The following MGST1 variants were observed in gnomAD, a reference collection of about 807,000 sequenced individuals.
MGST1 encodes the protein microsomal glutathione S-transferase 1.
MGST1 carries 5 observed loss-of-function variants against 8.9 expected under a neutral mutation model. The ratio of observed to expected loss-of-function variants is 0.56; its 90% CI spans 0.29 to 1.19. The LOEUF (loss-of-function observed/expected upper bound fraction) is 1.19, where lower values mean the gene tolerates loss of function less well. Ranked by LOEUF, MGST1 falls within the 50% of genes most tolerant of loss-of-function variation. The pLI is 0.08. For missense variants in MGST1, 182 were observed against 187.4 expected (o/e 0.97, Z 0.17); for synonymous variants, 54 against 67.8 (o/e 0.80, Z 1.00).
At chr12:16,539,862 C>T (rs1941782429) in intron 4 of MGST1, among the ~76,000 whole-genome samples, 1 of 152,196 alleles carries the variant, frequency 6.6e-6, no homozygotes, top group African/African-American at 2.4e-5. Flanking sequence ...ACTACTATTT[C>T]ATAAAATAAA....
chr12:16,420,381 CTT>C (rs1940824683), intron 1 of MGST1, among the ~76,000 whole-genome samples: 1 of 152,170 alleles, frequency 6.6e-6, no homozygotes, highest in Non-Finnish European at 1.5e-5. Flanking sequence ...AGCCATTAAA[CTT>C]ATTCTCATAA....
At chr12:16,430,503 C>A (rs1940928452) in intron 1 of MGST1, among the ~76,000 whole-genome samples, 1 of 152,170 alleles carries the variant, frequency 6.6e-6, no homozygotes, top group Non-Finnish European at 1.5e-5. Flanking sequence ...CCGTGGGCTG[C>A]AGAATGGATA....
At chr12:16,514,189 C>T in intron 4 of MGST1, 1 of 318,374 alleles carries the variant, frequency 3.1e-6, no homozygotes, top group Non-Finnish European at 6.1e-6. Context: ...AATTATACGC[C>T]ATTGTCGCTG....
At chr12:16,383,757 G>A (rs571159465) in intron 1 of MGST1, among the ~76,000 whole-genome samples, 9 of 152,236 alleles carry the variant, frequency 5.9e-5, no homozygotes, top group Non-Finnish European at 7.4e-5. Flanking sequence ...CACCATACCC[G>A]GACCTGAGTT....
At chr12:16,474,255 AT>A (rs1941306494) in intron 4 of MGST1, among the ~76,000 whole-genome samples, 1 of 152,216 alleles carries the variant, frequency 6.6e-6, no homozygotes, top group Non-Finnish European at 1.5e-5. Context: ...GAAGGCAAAA[AT>A]GTCACGAAAT....
intron 4 of MGST1, chr12:16,549,407 C>T (rs540823154): frequency 6.6e-6 from 1 of 152,488 alleles, no homozygotes; most frequent in African/African-American, 2.4e-5. Context: ...TTTCACAGAA[C>T]CATTTTCTTA....
In MGST1 at chr12:16,560,825, T is replaced by C. The variant is rs369668332; in HGVS notation, n.483-28703T>C. The C allele has an allele frequency of 4.6e-5, 20 of 433,678 alleles. No individual in the cohort carries two copies. In the East Asian group the frequency reaches 1.0e-3, roughly 22 times the overall value. 26.9% of individuals were successfully genotyped at this position (433,678 alleles called of 1,614,324 possible). On this transcript the variant is annotated intron_variant and non_coding_transcript_variant, in intron 4 of 4. Coordinates refer to the MGST1 transcript ENST00000538857. This position sits in a 1 kb window ranked among gnomAD's most constrained non-coding sequence, Gnocchi z 5.0. The stretch of plus-strand genomic sequence containing the variant: ...ACAGAAGTCAATGGGGGTGAATTCA[T>C]AGCAAAAATCTCTGGGTTAGAGTAT...
chr12:16,359,508 G>A (rs1445747411), intron 3 of MGST1, among the ~76,000 whole-genome samples: 1 of 152,142 alleles, frequency 6.6e-6, no homozygotes, highest in East Asian at 1.9e-4. Context: ...AATGGGTTGT[G>A]TCAAGAATAT....
At chr12:16,424,359 A>G (rs1022219797) in intron 1 of MGST1, among the ~76,000 whole-genome samples, 1 of 152,220 alleles carries the variant, frequency 6.6e-6, no homozygotes, top group African/African-American at 2.4e-5. Flanking sequence ...ATATTGGAAT[A>G]AAGTCTCTCA....
At chr12:16,575,895 A>G (rs1374514344) in intron 4 of MGST1, among the ~76,000 whole-genome samples, 1 of 151,232 alleles carries the variant, frequency 6.6e-6, no homozygotes, top group African/African-American at 2.4e-5. Flanking sequence ...AGACTACATT[A>G]CCCTCCCTCT....
At chr12:16,387,718 G>A (rs1940516866) in intron 1 of MGST1, among the ~76,000 whole-genome samples, 1 of 151,934 alleles carries the variant, frequency 6.6e-6, no homozygotes, top group Non-Finnish European at 1.5e-5. Context: ...AGTAGAGACG[G>A]GTTTTCACCG....
At chr12:16,529,969 A>G (rs1277970090) in intron 4 of MGST1, among the ~76,000 whole-genome samples, 1 of 152,128 alleles carries the variant, frequency 6.6e-6, no homozygotes, top group African/African-American at 2.4e-5. Flanking sequence ...ATCTGATTAT[A>G]AGTTTCTGCA....
chr12:16,560,216 T>A lies in MGST1; in HGVS notation n.483-29312T>A, dbSNP rs1942346118. 6.6e-6 allele frequency among the ~76,000 whole-genome samples: 1 copy of A among 152,206 alleles called. No homozygotes were observed. The highest frequency in any genetic ancestry group is 1.5e-5 in the Non-Finnish European group (1 of 68,042). On this transcript the variant is annotated intron_variant and non_coding_transcript_variant, in intron 4 of 4. Coordinates refer to the MGST1 transcript ENST00000538857. This position sits in a 1 kb window ranked among gnomAD's most constrained non-coding sequence, Gnocchi z 5.0. The stretch of plus-strand genomic sequence containing the variant: ...TGTTACTTGCTCTTATATGATGCTT[T>A]TCTTTCAGGTAGAAGTAAGTCTTAA...
Position 16,357,668 on chromosome 12 carries a change from C to T in MGST1, c.190C>T (p.Arg64Ter), listed in dbSNP as rs763132041. The T allele has an allele frequency of 5.0e-5, 81 of 1,613,732 alleles. No homozygotes were observed. The highest frequency in any genetic ancestry group is 3.3e-4 in the Middle Eastern group (2 of 6,082). Reference sequence around the variant, plus strand: ...AGGAGAAAATGCCAAGAAGTATCTTCGAACAGATGACAGAGTAGAACGTGT... The same window carrying T: ...AGGAGAAAATGCCAAGAAGTATCTTTGAACAGATGACAGAGTAGAACGTGT... The part of the protein sequence containing the change: ...GKGENAKKYL[R>*]TDDRVERVRR... The change falls in exon 3 of 4, where the codon CGA becomes TGA. Residue 64 changes from arginine to a stop codon, truncating the protein, a stop_gained. Transcript: ENST00000396210. LOFTEE classifies it high-confidence loss of function.
At chr12:16,366,996 T>C (rs1234298599), downstream of MGST1, among the ~76,000 whole-genome samples, 2 of 152,218 alleles carry the variant, frequency 1.3e-5, no homozygotes, top group South Asian at 4.1e-4. This position sits in a 1 kb window ranked among gnomAD's most constrained non-coding sequence, Gnocchi z 4.0. Flanking sequence ...ATTGAATCTG[T>C]ATTATACTGG....
chr12:16,544,213 G>C lies in MGST1; in HGVS notation n.483-45315G>C, dbSNP rs1219090274. On this transcript the variant is annotated intron_variant and non_coding_transcript_variant, in intron 4 of 4. Transcript: ENST00000538857. This position sits in a 1 kb window ranked among gnomAD's most constrained non-coding sequence, Gnocchi z 4.8. ...CAAACTTTTTAAATTGACACCTTAA[G>C]TAAGAACTACACACACACACACACA... Among the ~76,000 whole-genome samples, 3 of 130,924 alleles carry C rather than the reference G, an allele frequency of 2.3e-5. No homozygotes were observed. Among genetic ancestry groups the C allele is most frequent in the African/African-American group, 6.4e-5 (2 of 31,302 alleles). The allele number at this position is 130,924 out of a possible 152,430, so 85.9% of individuals were successfully genotyped here. A position where few individuals can be genotyped will look rare whatever the true frequency, so the allele number is the denominator to read the frequency against.
At chr12:16,400,309 G>A (rs544808587) in intron 1 of MGST1, 27 of 799,314 alleles carry the variant, frequency 3.4e-5, no homozygotes, top group South Asian at 3.4e-4. Flanking sequence ...CTGGAATGAA[G>A]CATGCTTAAT....
At chr12:16,387,580 G>C (rs1016353902) in intron 1 of MGST1, among the ~76,000 whole-genome samples, 1 of 150,606 alleles carries the variant, frequency 6.6e-6, no homozygotes, top group Non-Finnish European at 1.5e-5. Flanking sequence ...AGGCTGGAGT[G>C]CAGTGGGGCT....
At chr12:16,431,312 A>C (rs1940938217) in intron 1 of MGST1, among the ~76,000 whole-genome samples, 1 of 152,126 alleles carries the variant, frequency 6.6e-6, no homozygotes, top group Admixed American at 6.6e-5. Context: ...TAGCACTTTT[A>C]ATTTCCTTCA....
Sources: allele counts gnomAD v4.1 joint callset (sites outside exome capture counted in the v4.1 genomes callset), GRCh38; gene constraint gnomAD v4.1.1; non-coding constraint Gnocchi (gnomAD v3.1); transcripts MANE v1.5; gene names NCBI Gene and HGNC (gene_info 2026-07-23, HGNC 2026-07-21).